PTPRN2: variants seen among roughly 807,000 people sequenced by gnomAD.
PTPRN2 encodes the protein protein tyrosine phosphatase receptor type N2.
Under a neutral mutation model 118.8 loss-of-function variants are expected in PTPRN2, and 74 were observed. The ratio of observed to expected loss-of-function variants is 0.62; its 90% CI spans 0.52 to 0.76. The LOEUF (loss-of-function observed/expected upper bound fraction) is 0.76, where lower values mean the gene tolerates loss of function less well. Among genes scored for constraint, PTPRN2 ranks in the 30% least tolerant of loss-of-function variants. The pLI is 0.00. For synonymous variants in PTPRN2, 641 were observed against 608.0 expected, an observed-to-expected ratio of 1.05 and a Z score of -0.80; for missense variants, 1,481 against 1,394.4, an observed-to-expected ratio of 1.06 and a Z score of -0.99.
rs1826908850 is a variant in PTPRN2, at chr7:158,555,402, CT to C, written c.112+32155del. 6.6e-6 allele frequency among the ~76,000 whole-genome samples: 1 copy of C among 152,146 alleles called. No individual in the cohort carries two copies. The highest frequency in any genetic ancestry group is 1.5e-5 in the Non-Finnish European group (1 of 68,024). The stretch of plus-strand genomic sequence containing the variant: ...CAGCATCCACGGCTCAGTGGTGCCC[CT>C]CGCCCCCACCGCTCTGCCCTGCCTT... On this transcript the variant is annotated intron_variant, in intron 1 of 22. Coordinates refer to ENST00000389418, the MANE Select transcript of PTPRN2 (RefSeq NM_002847.5). The surrounding 1 kb of genome is among the most constrained non-coding windows in gnomAD (Gnocchi z 4.7).
chr7:157,757,160 A>G (rs1342976781), intron 12 of PTPRN2, among the ~76,000 whole-genome samples: 1 of 151,572 alleles, frequency 6.6e-6, no homozygotes, highest in African/African-American at 2.4e-5. Flanking sequence ...ACATAGAAAA[A>G]CCTAGCCTTG....
chr7:158,091,145 G>A (rs1814088145), intron 10 of PTPRN2, among the ~76,000 whole-genome samples: 1 of 152,172 alleles, frequency 6.6e-6, no homozygotes, highest in Non-Finnish European at 1.5e-5. Flanking sequence ...AGGCTTATTT[G>A]TATCAAGTCA....
rs1056795114 is a variant in PTPRN2, at chr7:158,420,169, C to T, written c.163+69566G>A. On this transcript the variant is annotated intron_variant, in intron 2 of 22. Coordinates refer to ENST00000389418, the MANE Select transcript of PTPRN2 (RefSeq NM_002847.5). ...ATTCCTCCCGTTTTCCTTCCCAAGG[C>T]AGGCAGGACACATTGTCTCACGGCG... Among the ~76,000 whole-genome samples, 14 of 152,160 alleles carry T rather than the reference C, an allele frequency of 9.2e-5. 1 individual carries two copies. Among genetic ancestry groups the T allele is most frequent in the African/African-American group, 3.1e-4 (13 of 41,442 alleles).
chr7:158,066,454 T>G (rs1196725562), intron 11 of PTPRN2, among the ~76,000 whole-genome samples: 1 of 152,226 alleles, frequency 6.6e-6, no homozygotes, highest in Admixed American at 6.5e-5. Context: ...CTGTGCTGCT[T>G]CCTTTCCTTC....
At chr7:157,692,125 C>T (rs964287331) in intron 12 of PTPRN2, among the ~76,000 whole-genome samples, 1 of 152,200 alleles carries the variant, frequency 6.6e-6, no homozygotes, top group Non-Finnish European at 1.5e-5. Flanking sequence ...TTCTGGAAAC[C>T]CCAGCGGCCC....
intron 1 of PTPRN2, among the ~76,000 whole-genome samples, chr7:158,501,483 C>T (rs1466994969): frequency 6.6e-6 from 1 of 152,224 alleles, no homozygotes; most frequent in Admixed American, 6.5e-5. Context: ...CTGTTCCCAT[C>T]CCCGACACAA....
At chr7:157,970,925 T>A (rs1431387886) in intron 11 of PTPRN2, among the ~76,000 whole-genome samples, 1 of 152,168 alleles carries the variant, frequency 6.6e-6, no homozygotes, top group Admixed American at 6.5e-5. Flanking sequence ...CACCACTCCA[T>A]CACATGACTT....
chr7:157,906,724 G>A (rs375457230), intron 11 of PTPRN2, among the ~76,000 whole-genome samples: 11 of 152,156 alleles, frequency 7.2e-5, no homozygotes, highest in African/African-American at 2.2e-4. Context: ...CCCTCTGGGC[G>A]CTGGGGCACA....
At chr7:157,564,321 G>A (rs928081530) in intron 21 of PTPRN2, among the ~76,000 whole-genome samples, 29 of 152,138 alleles carry the variant, frequency 1.9e-4, no homozygotes, top group Non-Finnish European at 3.4e-4. Context: ...GTTTTGCCAC[G>A]TTGGCCAGGC....
chr7:157,569,743 G>A (rs1439604313), intron 20 of PTPRN2, among the ~76,000 whole-genome samples: 1 of 152,230 alleles, frequency 6.6e-6, no homozygotes, highest in Non-Finnish European at 1.5e-5. Flanking sequence ...TGCAGACGCT[G>A]TCACTGGGTT....
At chr7:158,364,036 C>G (rs576390580) in intron 2 of PTPRN2, among the ~76,000 whole-genome samples, 1 of 152,204 alleles carries the variant, frequency 6.6e-6, no homozygotes, top group Admixed American at 6.5e-5. Context: ...GAAAGGCGAA[C>G]GATGAGGCAG....
chr7:157,683,851 A>C (rs955643659), intron 12 of PTPRN2, among the ~76,000 whole-genome samples: 1 of 152,120 alleles, frequency 6.6e-6, no homozygotes, highest in Non-Finnish European at 1.5e-5. Flanking sequence ...CGCCCTGCAC[A>C]ATGACTCGGG....
chr7:158,441,060 G>A (rs895065745), intron 2 of PTPRN2, among the ~76,000 whole-genome samples: 1 of 51,024 alleles, frequency 2.0e-5, no homozygotes, highest in Admixed American at 2.4e-4. Flanking sequence ...GGTAGTGATG[G>A]GGGTGGTAGT....
At chr7:158,172,541 C>G (rs1823798989) in intron 5 of PTPRN2, among the ~76,000 whole-genome samples, 1 of 149,876 alleles carries the variant, frequency 6.7e-6, no homozygotes, top group African/African-American at 2.5e-5. Flanking sequence ...CCACCATCAA[C>G]AACAGCATCT....
chr7:158,009,374 A>G (rs1257650084), intron 11 of PTPRN2, among the ~76,000 whole-genome samples: 1 of 152,130 alleles, frequency 6.6e-6, no homozygotes, highest in Non-Finnish European at 1.5e-5. Context: ...TCTTCATTCT[A>G]CATAGCAACT....
rs917822629 is a variant in PTPRN2, at chr7:157,729,029, G to C, written c.1789-46092C>G. 6.6e-6 allele frequency among the ~76,000 whole-genome samples: 1 copy of C among 152,216 alleles called. No homozygotes were observed. Among genetic ancestry groups the C allele is most frequent in the African/African-American group, 2.4e-5 (1 of 41,452 alleles). ...TGATCCAGTCACACAGAGGTCGGTC[G>C]TTGTCTGGACACAGACAATGGGAAT... On this transcript the variant is annotated intron_variant, in intron 12 of 22. Coordinates refer to ENST00000389418, the MANE Select transcript of PTPRN2 (RefSeq NM_002847.5). This position sits in a 1 kb window ranked among gnomAD's most constrained non-coding sequence, Gnocchi z 4.3.
chr7:158,116,789 G>C (rs1489539448), intron 9 of PTPRN2, among the ~76,000 whole-genome samples: 1 of 152,098 alleles, frequency 6.6e-6, no homozygotes, highest in East Asian at 1.9e-4. Flanking sequence ...TTAAAGACCA[G>C]AATATTCAAA....
chr7:158,515,097 G>A (rs1004785204), intron 1 of PTPRN2, among the ~76,000 whole-genome samples: 2 of 152,186 alleles, frequency 1.3e-5, no homozygotes, highest in African/African-American at 4.8e-5. Flanking sequence ...GCACTATGGC[G>A]AGGAGAACTG....
intron 12 of PTPRN2, among the ~76,000 whole-genome samples, chr7:157,721,839 A>G (rs1412016453): frequency 2.6e-5 from 4 of 152,180 alleles, no homozygotes; most frequent in African/African-American, 9.7e-5. Context: ...GTGGCTTTGC[A>G]GACCCTTCCA....
Sources: gnomAD v4.1 joint callset for allele counts (sites outside exome capture counted in the v4.1 genomes callset) on GRCh38, gnomAD v4.1.1 for gene constraint, Gnocchi (gnomAD v3.1) non-coding constraint, MANE v1.5 for transcripts, NCBI Gene and HGNC (gene_info 2026-07-23, HGNC 2026-07-21) for gene names.